ANKMY1: variants seen among roughly 807,000 people sequenced by gnomAD.
The protein encoded by ANKMY1 is ankyrin repeat and MYND domain-containing protein 1.
A neutral mutation model predicts 102.0 loss-of-function variants in ANKMY1; 98 were observed. The ratio of observed to expected loss-of-function variants is 0.96; its 90% confidence interval spans 0.82 to 1.14. The LOEUF is 1.14. Among genes scored for constraint, ANKMY1 ranks in the 50% most tolerant of loss-of-function variants. The probability of loss-of-function intolerance (pLI) is 0.00; values close to 1 mark genes in which losing one functional copy is unlikely to be tolerated. For synonymous variants in ANKMY1, 582 were observed against 559.9 expected, an observed-to-expected ratio of 1.04 and a Z score of -0.56; for missense variants, 1,330 against 1,347.6, an observed-to-expected ratio of 0.99 and a Z score of 0.20.
At chr2:240,479,788 A>G in intron 17 of ANKMY1, 133 bp from the exon 18 acceptor site, 1 of 763,210 alleles carries the variant, frequency 1.3e-6, no homozygotes, top group South Asian at 1.6e-5. Flanking sequence ...GCAGGCAAGG[A>G]GTCGGGATGC....
intron 4 of ANKMY1, among the ~76,000 whole-genome samples, chr2:240,534,118 C>G (rs189190774): frequency 6.6e-6 from 1 of 152,330 alleles, no homozygotes; most frequent in Non-Finnish European, 1.5e-5. Flanking sequence ...TCCACCCACT[C>G]GTCACTTAAA....
At chr2:240,541,671 T>C (rs1478054334) in intron 4 of ANKMY1, among the ~76,000 whole-genome samples, 1 of 151,872 alleles carries the variant, frequency 6.6e-6, no homozygotes, top group Non-Finnish European at 1.5e-5. Flanking sequence ...CCTGGCTAAT[T>C]TTTTGTATTT....
chr2:240,486,874 C>T (rs911097296), intron 15 of ANKMY1, among the ~76,000 whole-genome samples: 29 of 152,220 alleles, frequency 1.9e-4, no homozygotes, highest in African/African-American at 7.0e-4. Flanking sequence ...AACAACCCTC[C>T]ATTGCATCCT....
rs770987723 is a variant in ANKMY1, at chr2:240,500,499, C to T, written c.2593G>A (p.Glu865Lys). The T allele has an allele frequency of 4.3e-6, 7 of 1,614,176 alleles. No individual in the cohort carries two copies. In the South Asian group the frequency reaches 6.6e-5, roughly 15 times the overall value. The change falls in exon 14 of 18, where the codon GAG becomes AAG. Residue 865 changes from glutamate to lysine, a missense_variant. Glu to Lys is a moderately conservative substitution (Grantham distance 56). Transcript: ENST00000401804. The stretch of plus-strand genomic sequence containing the variant: ...TAGTCCACGGCTGTGCCCACTGCCT[C>T]CTTTTCTCCCTGCCTGAGCATTACA... ...KPVMLRQGEK[E>K]AVGTAVDYGY...
chr2:240,501,265 T>C (rs932785655), intron 13 of ANKMY1, among the ~76,000 whole-genome samples: 2 of 152,266 alleles, frequency 1.3e-5, no homozygotes, highest in East Asian at 1.9e-4. Flanking sequence ...AGTAAGGGCA[T>C]GCATGTGTGT....
rs2079704770 is a variant in ANKMY1, at chr2:240,509,421, T to C, written c.2321A>G (p.His774Arg). The change falls in exon 12 of 18, where the codon CAC becomes CGC. Residue 774 changes from histidine (H) to arginine (R), a missense_variant. Transcript: ENST00000401804. ...CCACAGCAGGTTAGGATTTGCTCCG[T>C]GGGATAGAAGGAGCCGGACTATGTC... ...ARDIVRLLLSHGANPNLLWSG... is the reference protein window; with the variant it reads ...ARDIVRLLLSRGANPNLLWSG... 1.9e-6 allele frequency: 3 copies of C among 1,613,484 alleles called. No individual in the cohort carries two copies. The highest frequency in any genetic ancestry group is 2.5e-6 in the Non-Finnish European group (3 of 1,179,790).
intron 4 of ANKMY1, among the ~76,000 whole-genome samples, chr2:240,547,820 T>G (rs1207502779): frequency 6.7e-6 from 1 of 148,854 alleles, no homozygotes; most frequent in Non-Finnish European, 1.5e-5. Context: ...CAGGAAGAAG[T>G]TGAATCTCTG....
Position 240,506,651 on chromosome 2 carries a change from AC to A in ANKMY1, c.2526+908del, listed in dbSNP as rs532111434. 4.1e-4 allele frequency among the ~76,000 whole-genome samples: 54 copies of A among 133,156 alleles called. No homozygotes were observed. In the South Asian group the frequency reaches 0.012, roughly 30 times the overall value. 87.4% of individuals were successfully genotyped at this position (133,156 alleles called of 152,430 possible). A position where few individuals can be genotyped will look rare whatever the true frequency, so the allele number is the denominator to read the frequency against. On this transcript the variant is annotated intron_variant, in intron 13 of 17. Coordinates refer to ENST00000401804, the MANE Select transcript of ANKMY1 (RefSeq NM_001282771.3). The surrounding 1 kb of genome is among the most constrained non-coding windows in gnomAD (Gnocchi z 4.9). ...CCCCCATTCCAGACGCCTGAGTCTC[AC>A]CCCCCTCCTCCTTCCCCCTTTTTCT...
At chr2:240,527,909 T>C (rs1303108416) in intron 5 of ANKMY1, 1 of 152,160 alleles carries the variant, frequency 6.6e-6, no homozygotes, top group Non-Finnish European at 1.5e-5. Flanking sequence ...TCTCAGAAAA[T>C]ATGCATTCTG....
chr2:240,541,888 T>G (rs1301282922), intron 4 of ANKMY1, among the ~76,000 whole-genome samples: 2 of 152,032 alleles, frequency 1.3e-5, no homozygotes, highest in African/African-American at 4.8e-5. Context: ...AAGTGCTCTT[T>G]GGGGTCTGGG....
chr2:240,470,939 A>G, the ANKMY1 span, among the ~76,000 whole-genome samples: 2 of 152,192 alleles, frequency 1.3e-5, no homozygotes, highest in Non-Finnish European at 2.9e-5. Context: ...TGTATCAGGC[A>G]CAGAAATACC....
chr2:240,524,296 A>G lies in ANKMY1; in HGVS notation c.1421T>C (p.Val474Ala), dbSNP rs772641360. ...CAGCTCATAGCTACCCTGGGAAGGC[A>G]CGTTCACCTCATAGTACAGAGACTC... ...NLESLYYEVNVPSQGSYELRP... is the reference protein window; with the variant it reads ...NLESLYYEVNAPSQGSYELRP... The change falls in exon 8 of 18, where the codon GTG becomes GCG. Residue 474 changes from valine (V) to alanine (A), a missense_variant. By Grantham distance (64) the Val-to-Ala change is moderately conservative. Transcript: ENST00000401804. 6.2e-7 allele frequency: 1 copy of G among 1,613,852 alleles called. No homozygotes were observed. Among genetic ancestry groups the G allele is most frequent in the East Asian group, 2.2e-5 (1 of 44,890 alleles).
intron 11 of ANKMY1, 143 bp downstream of exon 11, chr2:240,511,718 G>C: frequency 1.8e-6 from 2 of 1,108,192 alleles, no homozygotes; most frequent in Non-Finnish European, 2.5e-6. Context: ...GCCTTGCCTT[G>C]CTTCCCTCCC....
At chr2:240,557,162 G>C (rs1292915734) in intron 2 of ANKMY1, 28 bp downstream of exon 2, 1 of 1,442,218 alleles carries the variant, frequency 6.9e-7, no homozygotes, top group Non-Finnish European at 9.2e-7. Flanking sequence ...GTCAGGGTCG[G>C]ACCTCCCCGC....
At position 240,509,402 on chromosome 2, in the gene ANKMY1, C is replaced by A; in HGVS notation, c.2340G>T (p.Leu780=). The A allele has an allele frequency of 6.2e-7, 1 of 1,613,750 alleles. No individual in the cohort carries two copies. The highest frequency in any genetic ancestry group is 1.1e-5 in the South Asian group (1 of 91,042). ...LLLSHGANPN[L]LWSGHSPLSL... ...AGAGCGGGGAGTGGCCACTCCACAG[C>A]AGGTTAGGATTTGCTCCGTGGGATA... The change falls in exon 12 of 18, where the codon CTG becomes CTT. Residue 780 remains leucine (L), a synonymous_variant. Transcript: ENST00000401804.
intron 11 of ANKMY1, among the ~76,000 whole-genome samples, 167 bp from the exon 12 acceptor site, chr2:240,509,622 A>G (rs1023056192): frequency 6.6e-6 from 1 of 152,306 alleles, no homozygotes; most frequent in East Asian, 1.9e-4. Flanking sequence ...GGATGCATAG[A>G]TGGATAGGTG....
intron 4 of ANKMY1, among the ~76,000 whole-genome samples, chr2:240,540,676 C>CAGCACCTGATTAA (rs994979874): frequency 3.3e-5 from 5 of 152,224 alleles, no homozygotes; most frequent in African/African-American, 7.2e-5. Flanking sequence ...TCCTCCGCTG[C>CAGCACCTGATTAA]AGCACCTGAT....
At chr2:240,544,587 C>T (rs1278305206) in intron 4 of ANKMY1, among the ~76,000 whole-genome samples, 5 of 152,316 alleles carry the variant, frequency 3.3e-5, no homozygotes, top group Admixed American at 2.0e-4. Flanking sequence ...TGCATTTCCA[C>T]CTGAGGTACC....
At chr2:240,552,176 C>T (rs901569200) in intron 4 of ANKMY1, among the ~76,000 whole-genome samples, 2 of 152,240 alleles carry the variant, frequency 1.3e-5, no homozygotes, top group African/African-American at 4.8e-5. Context: ...TTACAGCCTT[C>T]TTCCTTGGCA....
Sources: allele counts gnomAD v4.1 joint callset (sites outside exome capture counted in the v4.1 genomes callset), GRCh38; gene constraint gnomAD v4.1.1; non-coding constraint Gnocchi (gnomAD v3.1); transcripts MANE v1.5; gene names NCBI Gene and HGNC (gene_info 2026-07-23, HGNC 2026-07-21).